The following AGBL1 variants were observed in gnomAD, a reference collection of about 807,000 sequenced individuals.
AGBL1 encodes AGBL carboxypeptidase 1, also known as cytosolic carboxypeptidase 4.
A neutral mutation model predicts 118.9 loss-of-function variants in AGBL1; 130 were observed. That is an observed-to-expected ratio of 1.09 (90% CI 0.95 to 1.26). The LOEUF (loss-of-function observed/expected upper bound fraction) is 1.26, where lower values mean the gene tolerates loss of function less well. Among genes scored for constraint, AGBL1 ranks in the 50% most tolerant of loss-of-function variants. The pLI, the probability that AGBL1 is intolerant of heterozygous loss-of-function variation, is 0.00. For missense variants in AGBL1, 1,584 were observed against 1,298.1 expected (o/e 1.22, Z -3.38); for synonymous variants, 555 against 478.9 (o/e 1.16, Z -2.08).
At chr15:86,408,478 C>G (rs1046891900) in intron 18 of AGBL1, among the ~76,000 whole-genome samples, 8 of 152,190 alleles carry the variant, frequency 5.3e-5, no homozygotes, top group African/African-American at 1.9e-4. Context: ...ACATGGAACT[C>G]AACTGCTCTT....
intron 17 of AGBL1, among the ~76,000 whole-genome samples, chr15:86,380,510 TCC>T (rs1180035209): frequency 1.3e-5 from 2 of 149,430 alleles, no homozygotes; most frequent in Non-Finnish European, 3.0e-5. Context: ...TTTTCTTCTT[TCC>T]TTTCTTTTCT....
At chr15:86,100,399 A>C (rs941994348) in intron 1 of AGBL1, among the ~76,000 whole-genome samples, 1 of 152,152 alleles carries the variant, frequency 6.6e-6, no homozygotes, top group Non-Finnish European at 1.5e-5. Flanking sequence ...TTTGAGAAGA[A>C]CTCGTGTTGT....
At chr15:86,280,784 A>G (rs1377662790) in intron 16 of AGBL1, among the ~76,000 whole-genome samples, 1 of 152,228 alleles carries the variant, frequency 6.6e-6, no homozygotes, top group African/African-American at 2.4e-5. Context: ...GAGAAGGCAT[A>G]TCTTGAACCA....
intron 17 of AGBL1, among the ~76,000 whole-genome samples, chr15:86,309,302 G>C (rs533375241): frequency 8.5e-5 from 13 of 152,294 alleles, no homozygotes; most frequent in Middle Eastern, 6.8e-3. Flanking sequence ...AGCAGTTTTT[G>C]TGTGAAAGTC....
At chr15:86,441,500 G>A (rs543390367) in intron 18 of AGBL1, among the ~76,000 whole-genome samples, 14 of 152,234 alleles carry the variant, frequency 9.2e-5, no homozygotes, top group African/African-American at 2.9e-4. Context: ...GAGAACCATC[G>A]AAGACGGTGT....
chr15:86,381,742 G>A (rs1445308812), intron 17 of AGBL1, among the ~76,000 whole-genome samples: 3 of 152,252 alleles, frequency 2.0e-5, no homozygotes, highest in Admixed American at 1.3e-4. Context: ...GGGCGTGAGA[G>A]GGCTTTCCTG....
At chr15:86,342,789 T>C (rs1008076813) in intron 17 of AGBL1, among the ~76,000 whole-genome samples, 3 of 152,214 alleles carry the variant, frequency 2.0e-5, no homozygotes, top group African/African-American at 4.8e-5. Flanking sequence ...TGTAAGTAGG[T>C]ACTAGATTTA....
At chr15:87,026,623 T>A (rs1051995112) in intron 24 of AGBL1, among the ~76,000 whole-genome samples, 3 of 152,148 alleles carry the variant, frequency 2.0e-5, no homozygotes, top group African/African-American at 7.2e-5. Flanking sequence ...AGCTATCATT[T>A]GATCCAGCAA....
At chr15:86,748,949 C>T (rs974792449) in intron 22 of AGBL1, among the ~76,000 whole-genome samples, 2 of 152,056 alleles carry the variant, frequency 1.3e-5, no homozygotes, top group African/African-American at 2.4e-5. Flanking sequence ...AGCATGGTGC[C>T]TCCAGCTTTG....
chr15:86,574,533 A>G (rs931242466), intron 21 of AGBL1, among the ~76,000 whole-genome samples: 3 of 151,694 alleles, frequency 2.0e-5, no homozygotes, highest in Non-Finnish European at 4.4e-5. Flanking sequence ...CTAAGGAGAT[A>G]CATAACATAT....
chr15:86,190,806 A>G (rs1475891254), intron 5 of AGBL1, among the ~76,000 whole-genome samples: 1 of 152,244 alleles, frequency 6.6e-6, no homozygotes, highest in East Asian at 1.9e-4. Context: ...GTCCTAGTTA[A>G]CATAGAAGGT....
At chr15:86,717,623 C>T (rs1353592404) in intron 22 of AGBL1, among the ~76,000 whole-genome samples, 20 of 152,266 alleles carry the variant, frequency 1.3e-4, no homozygotes, top group Admixed American at 1.1e-3. Context: ...GTAGCCTTAG[C>T]CAAGTAGAAA....
chr15:86,870,391 A>G (rs768249021), intron 22 of AGBL1, among the ~76,000 whole-genome samples: 1 of 146,840 alleles, frequency 6.8e-6, no homozygotes, highest in East Asian at 2.1e-4. Context: ...CCTCAGAAAT[A>G]ACATTTAAAA....
chr15:86,972,735 T>C (rs1162004803), intron 23 of AGBL1, among the ~76,000 whole-genome samples: 4 of 152,184 alleles, frequency 2.6e-5, no homozygotes, highest in South Asian at 2.1e-4. Context: ...TGCATGCTAA[T>C]GTGGCCATTC....
At chr15:86,916,878 A>T (rs553815009), downstream of AGBL1, among the ~76,000 whole-genome samples, 1 of 152,320 alleles carries the variant, frequency 6.6e-6, no homozygotes, top group South Asian at 2.1e-4. Context: ...CTGCACAATG[A>T]TCTATTCAGA....
intron 22 of AGBL1, among the ~76,000 whole-genome samples, chr15:86,865,392 GACA>G (rs1296586467): frequency 2.0e-5 from 3 of 152,160 alleles, no homozygotes; most frequent in African/African-American, 4.8e-5. Context: ...ATGAAACTGT[GACA>G]ACATTTTGGA....
intron 5 of AGBL1, among the ~76,000 whole-genome samples, chr15:86,187,474 A>G (rs1362035386): frequency 6.6e-6 from 1 of 152,156 alleles, no homozygotes; most frequent in Non-Finnish European, 1.5e-5. Flanking sequence ...GTCAGAAGCC[A>G]TGGATTTGGG....
At chr15:86,558,496 G>T (rs2142279941) in intron 21 of AGBL1, among the ~76,000 whole-genome samples, 1 of 152,266 alleles carries the variant, frequency 6.6e-6, no homozygotes, top group Non-Finnish European at 1.5e-5. Flanking sequence ...GCCCAACTTT[G>T]TTTCCCTAGT....
chr15:86,328,203 A>G (rs1004583233), intron 17 of AGBL1, among the ~76,000 whole-genome samples: 6 of 152,194 alleles, frequency 3.9e-5, no homozygotes, highest in Non-Finnish European at 7.3e-5. Flanking sequence ...AGATCAAGTT[A>G]ATGCTTATTG....
Sources: allele counts gnomAD v4.1 joint callset (sites outside exome capture counted in the v4.1 genomes callset), GRCh38; gene constraint gnomAD v4.1.1; transcripts MANE v1.5; gene names NCBI Gene and HGNC (gene_info 2026-07-23, HGNC 2026-07-21).